Variants in WDR72 observed in about 807,000 individuals in gnomAD.
WDR72 encodes the protein WD repeat-containing protein 72.
A neutral mutation model predicts 124.2 loss-of-function variants in WDR72; 120 were observed. The observed-to-expected ratio is 0.97, with a 90% CI of 0.83 to 1.12. The LOEUF is 1.12. Ranked by LOEUF, WDR72 falls within the 50% of genes most tolerant of loss-of-function variation. The pLI is 0.00. For synonymous variants in WDR72, 452 were observed against 441.7 expected (o/e 1.02, Z -0.29); for missense variants, 1,387 against 1,278.8 (o/e 1.08, Z -1.29).
chr15:53,670,394 A>T (rs959690345), intron 13 of WDR72, among the ~76,000 whole-genome samples: 1 of 152,210 alleles, frequency 6.6e-6, no homozygotes, highest in Non-Finnish European at 1.5e-5. Flanking sequence ...CCATATTGAC[A>T]GGATTTTCAC....
At chr15:53,612,907 G>C (rs756939073) in intron 16 of WDR72, among the ~76,000 whole-genome samples, 5 of 151,826 alleles carry the variant, frequency 3.3e-5, no homozygotes. Context: ...GTGAGGGTGA[G>C]GGAAAGGAAG....
chr15:53,518,869 T>C (rs1891624070), intron 19 of WDR72, among the ~76,000 whole-genome samples: 1 of 152,036 alleles, frequency 6.6e-6, no homozygotes, highest in Non-Finnish European at 1.5e-5. Context: ...GTAATATTGA[T>C]TGACAATGAT....
At chr15:53,753,933 T>C (rs1227579979) in intron 1 of WDR72, among the ~76,000 whole-genome samples, 1 of 152,164 alleles carries the variant, frequency 6.6e-6, no homozygotes, top group Non-Finnish European at 1.5e-5. Flanking sequence ...ATTACATCCC[T>C]AGATTTGTAT....
chr15:53,602,469 C>A (rs1017154811), intron 17 of WDR72, among the ~76,000 whole-genome samples: 28 of 151,302 alleles, frequency 1.9e-4, no homozygotes, highest in Admixed American at 1.8e-3. Flanking sequence ...AGCAGAAGAC[C>A]AGAAATAACC....
intron 13 of WDR72, among the ~76,000 whole-genome samples, chr15:53,693,885 A>T (rs952723500): frequency 1.3e-5 from 2 of 152,192 alleles, no homozygotes; most frequent in Non-Finnish European, 2.9e-5. Flanking sequence ...CCACGTCATA[A>T]TCAGAGGCTG....
In WDR72 at chr15:53,733,170, C is replaced by T; in HGVS notation, c.-12-9G>A. On this transcript the variant is annotated splice_polypyrimidine_tract_variant and intron_variant, in intron 1 of 19. Transcript: ENST00000360509. The stretch of plus-strand genomic sequence containing the variant: ...CTCATTTTGGGCGAATCCTGACATA[C>T]AAAGAAGGGAAGAAGCATACATGGT... The T allele has an allele frequency of 6.2e-7, 1 of 1,613,434 alleles. No homozygotes were observed. The highest frequency in any genetic ancestry group is 8.5e-7 in the Non-Finnish European group (1 of 1,179,878).
intron 13 of WDR72, among the ~76,000 whole-genome samples, chr15:53,671,524 C>G (rs1256355012): frequency 6.6e-6 from 1 of 152,044 alleles, no homozygotes; most frequent in African/African-American, 2.4e-5. Flanking sequence ...AAATATTCAC[C>G]GAAGAAATTG....
intron 14 of WDR72, among the ~76,000 whole-genome samples, chr15:53,650,068 G>C (rs689880): frequency 0.068 from 10,376 of 152,032 alleles, 1,161 homozygotes; most frequent in African/African-American, 0.24. Flanking sequence ...AATGGATAGA[G>C]AAATTTTGAT....
At chr15:53,643,828 C>CA (rs200886121) in intron 14 of WDR72, among the ~76,000 whole-genome samples, 89 of 148,798 alleles carry the variant, frequency 6.0e-4, no homozygotes, top group African/African-American at 1.7e-3. Flanking sequence ...TACCCTGTCA[C>CA]AAAAAAAAAT....
intron 14 of WDR72, among the ~76,000 whole-genome samples, chr15:53,620,201 T>C (rs370098671): frequency 3.3e-5 from 5 of 152,062 alleles, no homozygotes; most frequent in East Asian, 3.8e-4. Context: ...TTCAATAAGC[T>C]GTAAATAACT....
intron 13 of WDR72, among the ~76,000 whole-genome samples, chr15:53,691,620 CAGAT>C (rs71746507): frequency 0.1 from 14,773 of 145,046 alleles, 781 homozygotes; most frequent in Middle Eastern, 0.15. Context: ...GACAGACAGA[CAGAT>C]AGATAGATAG....
chr15:53,585,340 C>T (rs1280569792), intron 18 of WDR72, among the ~76,000 whole-genome samples: 3 of 151,922 alleles, frequency 2.0e-5, no homozygotes, highest in Non-Finnish European at 4.4e-5. Context: ...CATCAGATCT[C>T]ATGACAACTC....
intron 1 of WDR72, among the ~76,000 whole-genome samples, chr15:53,749,278 G>A (rs1411252063): frequency 6.6e-6 from 1 of 151,998 alleles, no homozygotes; most frequent in Non-Finnish European, 1.5e-5. Context: ...ATCACATTTT[G>A]GTAATTCTCA....
At chr15:53,672,442 C>A (rs192210853) in intron 13 of WDR72, among the ~76,000 whole-genome samples, 13 of 152,218 alleles carry the variant, frequency 8.5e-5, no homozygotes, top group African/African-American at 3.1e-4. Flanking sequence ...CAGTATGTTG[C>A]TAAAATACAG....
At position 53,683,612 on chromosome 15, in the gene WDR72, C is replaced by T. The variant is rs538050011; in HGVS notation, c.1765+16138G>A. ...TCTCTTTCTTACATTATGTATTTTACATGTACCTATTTCCCCATAGAAAAT... is the reference window on the plus strand; with the variant it reads ...TCTCTTTCTTACATTATGTATTTTATATGTACCTATTTCCCCATAGAAAAT... On this transcript the variant is annotated intron_variant, in intron 13 of 19. Coordinates refer to ENST00000360509, the MANE Select transcript of WDR72 (RefSeq NM_182758.4). 7.2e-5 allele frequency among the ~76,000 whole-genome samples: 11 copies of T among 152,194 alleles called. No individual in the cohort carries two copies. The South Asian group carries it at 2.3e-3, about 32-fold the overall frequency.
chr15:53,587,949 C>A (rs902975767), intron 18 of WDR72, among the ~76,000 whole-genome samples: 1 of 151,944 alleles, frequency 6.6e-6, no homozygotes, highest in Non-Finnish European at 1.5e-5. Flanking sequence ...AAGTACTCTG[C>A]CTTGGTTTTG....
At chr15:53,643,135 A>C (rs2014914279) in intron 14 of WDR72, among the ~76,000 whole-genome samples, 1 of 152,050 alleles carries the variant, frequency 6.6e-6, no homozygotes, top group Non-Finnish European at 1.5e-5. Flanking sequence ...ATGATAAATT[A>C]ATATGTATCC....
At chr15:53,679,870 A>G (rs1242089461) in intron 13 of WDR72, among the ~76,000 whole-genome samples, 1 of 152,116 alleles carries the variant, frequency 6.6e-6, no homozygotes, top group Non-Finnish European at 1.5e-5. Flanking sequence ...AATAATGCAC[A>G]TATGCATATT....
At chr15:53,663,277 T>C (rs1013210870) in intron 14 of WDR72, among the ~76,000 whole-genome samples, 5 of 151,822 alleles carry the variant, frequency 3.3e-5, no homozygotes, top group Admixed American at 2.0e-4. Flanking sequence ...ATAAGAGAAG[T>C]ATAGTATGTA....
Sources: allele counts gnomAD v4.1 joint callset (sites outside exome capture counted in the v4.1 genomes callset), GRCh38; gene constraint gnomAD v4.1.1; transcripts MANE v1.5; gene names NCBI Gene and HGNC (gene_info 2026-07-23, HGNC 2026-07-21).